ZDHHC1: variants seen among roughly 807,000 people sequenced by gnomAD.
The protein encoded by ZDHHC1 is zDHHC palmitoyltransferase 1.
ZDHHC1 carries 45 observed loss-of-function variants against 46.9 expected under a neutral mutation model. The observed-to-expected ratio is 0.96, with a 90% CI of 0.76 to 1.23. ZDHHC1 has a LOEUF of 1.23. ZDHHC1 is among the 50% of genes most tolerant of loss of function. The pLI is 0.00. For missense variants in ZDHHC1, 649 were observed against 670.8 expected (o/e 0.97, Z 0.36); for synonymous variants, 291 against 286.0 (o/e 1.02, Z -0.18).
intron 8 of ZDHHC1, chr16:67,396,167 GA>G (rs2040426819): frequency 6.5e-6 from 1 of 153,204 alleles, no homozygotes; most frequent in African/African-American, 2.4e-5. Flanking sequence ...GGCAAGCCCT[GA>G]TCTTCACAGC....
Position 67,400,958 on chromosome 16 carries a change from C to T in ZDHHC1, c.427G>A (p.Val143Met), listed in dbSNP as rs780639600. 6 of 1,613,564 alleles carry T rather than the reference C, an allele frequency of 3.7e-6. No homozygotes were observed. Among genetic ancestry groups the T allele is most frequent in the Non-Finnish European group, 5.1e-6 (6 of 1,179,782 alleles). Reference sequence around the variant, plus strand: ...CCACAAGCACCCACACACACTCACACATCCACGTTGCACAAGTTGCAGTGC... The same window carrying T: ...CCACAAGCACCCACACACACTCACATATCCACGTTGCACAAGTTGCAGTGC... ...DLHCNLCNVDVSARSKHCSAC... is the reference protein window; with the variant it reads ...DLHCNLCNVDMSARSKHCSAC... The change falls in exon 4 of 12, where the codon GTG becomes ATG. Residue 143 changes from valine (V) to methionine (M), a missense_variant and splice_region_variant. Val to Met is a conservative substitution (Grantham distance 21). Transcript: ENST00000565726.
chr16:67,406,107 C>A lies in ZDHHC1; in HGVS notation c.252+93G>T, dbSNP rs1025405388. On this transcript the variant is annotated intron_variant, in intron 3 of 11. Transcript: ENST00000565726. This position sits in a 1 kb window ranked among gnomAD's most constrained non-coding sequence, Gnocchi z 4.1. ...GCTCCACTCTCCTGACTGTGCTCCC[C>A]AAGGCTCTCAACCCGGCTTTGGGCC... 2.7e-5 allele frequency: 40 copies of A among 1,494,932 alleles called. No homozygotes were observed. The highest frequency in any genetic ancestry group is 3.2e-5 in the Non-Finnish European group (36 of 1,119,798). The allele number at this position is 1,494,932 out of a possible 1,614,324, so 92.6% of individuals were successfully genotyped here. A position where few individuals can be genotyped will look rare whatever the true frequency, so the allele number is the denominator to read the frequency against.
chr16:67,398,180 C>G, intron 8 of ZDHHC1, 32 bp downstream of exon 8: 3 of 1,602,720 alleles, frequency 1.9e-6, no homozygotes, highest in Non-Finnish European at 2.6e-6. Context: ...CCCCCCACAC[C>G]CAGGCCCCCT....
At chr16:67,414,965 C>T (rs1182590888) in intron 1 of ZDHHC1, among the ~76,000 whole-genome samples, 1 of 152,062 alleles carries the variant, frequency 6.6e-6, no homozygotes, top group East Asian at 1.9e-4. Flanking sequence ...GTTGAAACCC[C>T]GTTTCTACTA....
Position 67,394,820 on chromosome 16 carries a change from G to T in ZDHHC1, c.1239C>A (p.Gly413=). 3 of 1,539,488 alleles carry T rather than the reference G, an allele frequency of 1.9e-6. No individual in the cohort carries two copies. Among genetic ancestry groups the T allele is most frequent in the South Asian group, 1.2e-5 (1 of 83,360 alleles). ...SADASPVHAA[G]PAGAYHSASA... ...ACGCCGAGTGGTAGGCGCCGGCAGG[G>T]CCAGCGGCGTGCACAGGGCTGGCGT... Residue 413 remains glycine (G), a synonymous_variant, in exon 12 of 12, where the codon GGC becomes GGA. Transcript: ENST00000565726.
At chr16:67,410,055 G>A (rs73598903) in intron 1 of ZDHHC1, among the ~76,000 whole-genome samples, 3,287 of 152,188 alleles carry the variant, frequency 0.022, 128 homozygotes, top group African/African-American at 0.075. Context: ...AAGGAGTTGC[G>A]GGGCTCAGAT....
At chr16:67,413,215 G>A (rs2040778766) in intron 1 of ZDHHC1, among the ~76,000 whole-genome samples, 2 of 152,126 alleles carry the variant, frequency 1.3e-5, no homozygotes, top group Admixed American at 1.3e-4. Flanking sequence ...AAAGCGCTGG[G>A]ATTACAGGTG....
chr16:67,395,524 C>G lies in ZDHHC1; in HGVS notation c.970G>C (p.Glu324Gln), dbSNP rs775906093. Residue 324 changes from glutamate (E) to glutamine (Q), a missense_variant, in exon 9 of 12, where the codon GAG (glutamate) becomes CAG (glutamine). Glu to Gln is a conservative substitution (Grantham distance 29). Coordinates refer to ENST00000565726, the MANE Select transcript of ZDHHC1 (RefSeq NM_001323627.2). ...GCTGGCCCGGCCTGGCCAGGGGGCT[C>G]TGGGCGCATATGTCTGAAGGTCCGC... Reference protein sequence around the residue: ...YMRTFRHMRPEPPGQAGPAAV... With the variant: ...YMRTFRHMRPQPPGQAGPAAV... 4.5e-6 allele frequency: 7 copies of G among 1,555,294 alleles called. No homozygotes were observed. The highest frequency in any genetic ancestry group is 5.2e-6 in the Non-Finnish European group (6 of 1,148,858).
chr16:67,395,473 G>C lies in ZDHHC1; in HGVS notation c.1010+11C>G. 1 of 1,551,932 alleles carries C rather than the reference G, an allele frequency of 6.4e-7. No individual in the cohort carries two copies. The highest frequency in any genetic ancestry group is 8.7e-7 in the Non-Finnish European group (1 of 1,147,358). On this transcript the variant is annotated intron_variant, in intron 9 of 11. Transcript: ENST00000565726. ...GAGATGCCCAGTGGCACATGCCCAG[G>C]TTGCACTCACTTGGCATTCACTGCT...
rs368245537 is a variant in ZDHHC1 at position 67,401,084 on chromosome 16, C to T, written c.301G>A (p.Val101Ile). ...TTGGCATCTGCTGGATCGATGGAGA[C>T]GGCGGTCAGGTGCACCACAAGGTGG... is the stretch of plus-strand genomic sequence containing the variant. ...AGHLVVHLTA[V>I]SIDPADANVR... Residue 101 changes from valine to isoleucine, a missense_variant, in exon 4 of 12, where the codon GTC becomes ATC. Transcript: ENST00000565726. This position sits in a 1 kb window ranked among gnomAD's most constrained non-coding sequence, Gnocchi z 4.6. 38 of 1,614,092 alleles carry T rather than the reference C, an allele frequency of 2.4e-5. No homozygotes were observed. Among genetic ancestry groups the T allele is most frequent in the African/African-American group, 1.1e-4 (8 of 75,042 alleles).
intron 8 of ZDHHC1, among the ~76,000 whole-genome samples, chr16:67,397,599 G>A (rs1022579225): frequency 2.0e-5 from 3 of 151,924 alleles, no homozygotes; most frequent in African/African-American, 4.8e-5. Context: ...CCCGGGCCCC[G>A]CCTTCCTAGT....
intron 1 of ZDHHC1, among the ~76,000 whole-genome samples, chr16:67,413,680 C>T (rs2142266387): frequency 6.6e-6 from 1 of 152,294 alleles, no homozygotes; most frequent in Admixed American, 6.5e-5. Flanking sequence ...TGGCTCATGC[C>T]TGTAATCCCA....
intron 8 of ZDHHC1, 147 bp from the exon 9 acceptor site, chr16:67,395,713 C>G: frequency 1.3e-6 from 1 of 783,548 alleles, no homozygotes; most frequent in East Asian, 2.7e-5. Context: ...TGGGAAAACC[C>G]CATCTGTAGG....
chr16:67,405,244 T>G (rs918067276), intron 3 of ZDHHC1, among the ~76,000 whole-genome samples: 2 of 152,196 alleles, frequency 1.3e-5, no homozygotes, highest in African/African-American at 4.8e-5. Flanking sequence ...GCTTAATGAA[T>G]TCTAGTGCTC....
chr16:67,405,628 T>C (rs2040639012), intron 3 of ZDHHC1, among the ~76,000 whole-genome samples: 2 of 152,152 alleles, frequency 1.3e-5, no homozygotes, highest in African/African-American at 2.4e-5. Context: ...TTTGTCACTA[T>C]TCCCAGGGGC....
intron 1 of ZDHHC1, among the ~76,000 whole-genome samples, chr16:67,412,805 C>CT (rs561579879): frequency 9.4e-4 from 138 of 146,366 alleles, no homozygotes; most frequent in Non-Finnish European, 9.4e-4. Flanking sequence ...TTTTCTTTCA[C>CT]TTTTTTTTTT....
intron 1 of ZDHHC1, among the ~76,000 whole-genome samples, chr16:67,414,876 C>T (rs543580730): frequency 6.6e-6 from 1 of 152,370 alleles, no homozygotes; most frequent in African/African-American, 2.4e-5. Context: ...AAACGTGAAA[C>T]TCATCCAAAC....
In ZDHHC1 at chr16:67,409,280, T is replaced by C. The variant is rs538381796; in HGVS notation, c.-38-1467A>G. On this transcript the variant is annotated intron_variant, in intron 1 of 11. Coordinates refer to ENST00000565726, the MANE Select transcript of ZDHHC1 (RefSeq NM_001323627.2). ...TGATACTCCAAATCAGGATACCCCC[T>C]GATACTCCAAATCAGGATACCCCCT... Among the ~76,000 whole-genome samples the C allele has an allele frequency of 3.3e-5, 5 of 151,186 alleles. No homozygotes were observed. The East Asian group carries it at 9.7e-4, about 29-fold the overall frequency.
intron 10 of ZDHHC1, 49 bp downstream of exon 10, chr16:67,395,134 CTTCT>C (rs1158184409): frequency 1.2e-6 from 2 of 1,613,152 alleles, no homozygotes; most frequent in African/African-American, 1.3e-5. Flanking sequence ...AGGGTAGAGG[CTTCT>C]TTCTATCCCA....
Sources: allele counts gnomAD v4.1 joint callset (sites outside exome capture counted in the v4.1 genomes callset), GRCh38; gene constraint gnomAD v4.1.1; non-coding constraint Gnocchi (gnomAD v3.1); transcripts MANE v1.5; gene names NCBI Gene and HGNC (gene_info 2026-07-23, HGNC 2026-07-21).